CALCR: variants seen among roughly 807,000 people sequenced by gnomAD.
The protein encoded by CALCR is calcitonin receptor.
A neutral mutation model predicts 59.5 loss-of-function variants in CALCR; 47 were observed. The observed-to-expected ratio is 0.79, with a 90% CI of 0.63 to 1.01. The LOEUF (loss-of-function observed/expected upper bound fraction) is 1.01. Among genes scored for constraint, CALCR ranks in the 50% least tolerant of loss-of-function variants. The pLI, the probability that CALCR is intolerant of heterozygous loss-of-function variation, is 0.00. For synonymous variants in CALCR, 213 were observed against 211.3 expected, an observed-to-expected ratio of 1.01 and a Z score of -0.07; for missense variants, 566 against 597.1, an observed-to-expected ratio of 0.95 and a Z score of 0.54.
chr7:93,516,747 T>C (rs1801659428), intron 2 of CALCR, among the ~76,000 whole-genome samples: 1 of 151,814 alleles, frequency 6.6e-6, no homozygotes. Flanking sequence ...CTACTTATTT[T>C]CCAAAATGAT....
chr7:93,468,852 A>ATTG, intron 6 of CALCR, 46 bp from the exon 7 acceptor site: 1 of 1,128,600 alleles, frequency 8.9e-7, no homozygotes, highest in South Asian at 1.5e-5. Context: ...TGAATGATTC[A>ATTG]TCAGAGAGAA....
intron 2 of CALCR, among the ~76,000 whole-genome samples, chr7:93,521,797 T>C (rs1801769665): frequency 6.6e-6 from 1 of 152,194 alleles, no homozygotes; most frequent in Non-Finnish European, 1.5e-5. Context: ...TATTAAATAC[T>C]TTATTAAATA....
At chr7:93,429,009 T>G (rs897524339) in intron 13 of CALCR, among the ~76,000 whole-genome samples, 28 of 152,236 alleles carry the variant, frequency 1.8e-4, no homozygotes, top group Middle Eastern at 3.2e-3. Flanking sequence ...CCATTTATAT[T>G]AATAAAGTAC....
At chr7:93,533,314 A>G (rs369716796) in intron 2 of CALCR, among the ~76,000 whole-genome samples, 2 of 152,090 alleles carry the variant, frequency 1.3e-5, no homozygotes, top group African/African-American at 4.8e-5. Flanking sequence ...CATGTCTGAT[A>G]GACACTTTCA....
intron 2 of CALCR, among the ~76,000 whole-genome samples, chr7:93,521,143 T>A (rs1198436236): frequency 6.6e-6 from 1 of 152,186 alleles, no homozygotes; most frequent in Non-Finnish European, 1.5e-5. Flanking sequence ...ATTAAGATCT[T>A]ATTTAGTAAA....
At chr7:93,513,040 T>C (rs1413534828) in intron 2 of CALCR, among the ~76,000 whole-genome samples, 2 of 152,184 alleles carry the variant, frequency 1.3e-5, no homozygotes, top group Non-Finnish European at 2.9e-5. Flanking sequence ...AACATTCTCC[T>C]AATACATGTC....
At position 93,528,055 on chromosome 7, in the gene CALCR, T is replaced by C. The variant is rs562271693; in HGVS notation, c.-26-41048A>G. Among the ~76,000 whole-genome samples the C allele has an allele frequency of 1.8e-3, 277 of 152,326 alleles. 1 individual carries two copies. The highest frequency in any genetic ancestry group is 6.4e-3 in the African/African-American group (267 of 41,586). ...ACAGCTCTGAAATATTTGTATTTTTTCCTCAGAGTCTAAAACTGCTCAGAA... is the reference window on the plus strand; with the variant it reads ...ACAGCTCTGAAATATTTGTATTTTTCCCTCAGAGTCTAAAACTGCTCAGAA... On this transcript the variant is annotated intron_variant, in intron 2 of 13. Coordinates refer to ENST00000426151, the MANE Select transcript of CALCR (RefSeq NM_001742.4).
intron 5 of CALCR, among the ~76,000 whole-genome samples, chr7:93,477,340 AC>A (rs1185947173): frequency 6.6e-6 from 1 of 151,874 alleles, no homozygotes; most frequent in Non-Finnish European, 1.5e-5. Flanking sequence ...AGAATTTAAT[AC>A]CAACACATAT....
chr7:93,524,385 T>A (rs1172676140), intron 2 of CALCR, among the ~76,000 whole-genome samples: 5 of 152,054 alleles, frequency 3.3e-5, no homozygotes, highest in Admixed American at 3.3e-4. Flanking sequence ...TTAGCCAGGA[T>A]GGTCTTGATC....
chr7:93,504,988 C>T (rs1338528625), intron 2 of CALCR, among the ~76,000 whole-genome samples: 1 of 152,000 alleles, frequency 6.6e-6, no homozygotes, highest in Non-Finnish European at 1.5e-5. Flanking sequence ...CAGTGGGGCC[C>T]CTATGGAAAT....
intron 13 of CALCR, among the ~76,000 whole-genome samples, chr7:93,429,627 G>A (rs566270340): frequency 2.6e-5 from 4 of 152,256 alleles, no homozygotes; most frequent in African/African-American, 7.2e-5. Flanking sequence ...AACAAAATAA[G>A]TTTAGAGTCT....
chr7:93,440,368 A>G (rs1799875147), intron 9 of CALCR, among the ~76,000 whole-genome samples: 1 of 152,070 alleles, frequency 6.6e-6, no homozygotes, highest in Non-Finnish European at 1.5e-5. Flanking sequence ...TTTTTTCTTG[A>G]GAAATTAATT....
At chr7:93,527,817 G>A (rs540379165) in intron 2 of CALCR, among the ~76,000 whole-genome samples, 2 of 152,200 alleles carry the variant, frequency 1.3e-5, no homozygotes, top group South Asian at 4.1e-4. Flanking sequence ...CCATTATGTA[G>A]GCTTGATTTA....
chr7:93,430,183 C>T (rs1799629729), intron 13 of CALCR, among the ~76,000 whole-genome samples: 1 of 152,088 alleles, frequency 6.6e-6, no homozygotes, highest in Non-Finnish European at 1.5e-5. Flanking sequence ...GATCCAGCCG[C>T]CTTGGCCTCC....
chr7:93,465,151 T>G (rs1254040234), intron 7 of CALCR, among the ~76,000 whole-genome samples: 3 of 151,930 alleles, frequency 2.0e-5, no homozygotes, highest in Admixed American at 2.0e-4. Flanking sequence ...TAATGAATGG[T>G]CTGTTATGCT....
intron 3 of CALCR, among the ~76,000 whole-genome samples, chr7:93,480,810 A>G (rs903788194): frequency 1.3e-5 from 2 of 151,956 alleles, no homozygotes; most frequent in African/African-American, 4.8e-5. Context: ...GTTTCTGCAT[A>G]GGCACAAGGG....
At chr7:93,564,460 TAAAA>T (rs899378626) in intron 2 of CALCR, among the ~76,000 whole-genome samples, 7 of 146,300 alleles carry the variant, frequency 4.8e-5, no homozygotes, top group African/African-American at 1.7e-4. Context: ...ACTACACTTT[TAAAA>T]AAAAAAAAAT....
intron 2 of CALCR, among the ~76,000 whole-genome samples, chr7:93,532,052 A>G (rs1030069725): frequency 3.9e-5 from 6 of 152,238 alleles, no homozygotes; most frequent in South Asian, 2.1e-4. Flanking sequence ...TTTTGCTAGT[A>G]TGAACACTAT....
At chr7:93,550,675 A>G (rs899005079) in intron 2 of CALCR, among the ~76,000 whole-genome samples, 1 of 150,862 alleles carries the variant, frequency 6.6e-6, no homozygotes, top group African/African-American at 2.4e-5. Context: ...GCTAAAGGGT[A>G]TCAGACAAGA....
Sources: gnomAD v4.1 joint callset for allele counts (sites outside exome capture counted in the v4.1 genomes callset) on GRCh38, gnomAD v4.1.1 for gene constraint, MANE v1.5 for transcripts, NCBI Gene and HGNC (gene_info 2026-07-23, HGNC 2026-07-21) for gene names.